NMBR: variants seen among roughly 807,000 people sequenced by gnomAD.
The protein encoded by NMBR is neuromedin-B receptor.
A neutral mutation model predicts 20.5 loss-of-function variants in NMBR; 16 were observed. That is an observed-to-expected ratio of 0.78 (90% confidence interval 0.53 to 1.19). The LOEUF (loss-of-function observed/expected upper bound fraction) is 1.19, where lower values mean the gene tolerates loss of function less well. NMBR is among the 50% of genes most tolerant of loss of function. The pLI is 0.00. For synonymous variants in NMBR, 212 were observed against 196.6 expected, an observed-to-expected ratio of 1.08 and a Z score of -0.65; for missense variants, 582 against 499.1, an observed-to-expected ratio of 1.17 and a Z score of -1.58.
At chr6:142,087,943 T>A (rs1194999456) in intron 2 of NMBR, among the ~76,000 whole-genome samples, 1 of 152,238 alleles carries the variant, frequency 6.6e-6, no homozygotes, top group Non-Finnish European at 1.5e-5. Context: ...AGCTTTTCTA[T>A]GAAATAATAT....
rs754545858 is a variant in NMBR, at chr6:142,078,868, G to A, written c.458C>T (p.Thr153Met). Residue 153 changes from threonine (T) to methionine (M), a missense_variant, in exon 3 of 4, where the codon ACG (threonine) becomes ATG (methionine). Thr to Met is a moderately conservative substitution (Grantham distance 81). Coordinates refer to ENST00000258042, the MANE Select transcript of NMBR (RefSeq NM_002511.4). The stretch of plus-strand genomic sequence containing the variant: ...ACAGGTCCGCAGCAATGCCCCTGAC[G>A]TCTGCATGTCCATGGGGTTAACGAT... ...RAIVNPMDMQ[T>M]SGALLRTCVK... 86 of 1,613,258 alleles carry A rather than the reference G, an allele frequency of 5.3e-5. 2 individuals are homozygous for A. In the Middle Eastern group the frequency reaches 9.9e-4, roughly 19 times the overall value.
intron 1 of NMBR, among the ~76,000 whole-genome samples, chr6:142,102,389 CAA>C (rs534698007): frequency 8.0e-4 from 61 of 76,450 alleles, no homozygotes; most frequent in African/African-American, 2.4e-3. Flanking sequence ...CACTCTGTCT[CAA>C]AAAAAAAAAA....
chr6:142,130,459 A>C (rs1489148686), intron 1 of NMBR, among the ~76,000 whole-genome samples: 4 of 152,184 alleles, frequency 2.6e-5, no homozygotes, highest in Admixed American at 6.6e-5. Context: ...TATCTCAATT[A>C]GACAAAAGAT....
chr6:142,090,662 A>G (rs892059576), intron 1 of NMBR, among the ~76,000 whole-genome samples: 2 of 151,268 alleles, frequency 1.3e-5, no homozygotes, highest in Admixed American at 1.3e-4. Flanking sequence ...AAGGAAATTA[A>G]TATTACATGT....
chr6:142,084,573 A>G (rs1777164420), intron 2 of NMBR, among the ~76,000 whole-genome samples: 1 of 152,180 alleles, frequency 6.6e-6, no homozygotes, highest in Admixed American at 6.5e-5. Flanking sequence ...ACAATAAAGA[A>G]TTGATATCTA....
chr6:142,134,050 C>T (rs1338566405), intron 1 of NMBR: 1 of 665,792 alleles, frequency 1.5e-6, no homozygotes, highest in East Asian at 2.7e-5. Context: ...TTTCTGTGTG[C>T]ACATAAACAT....
intron 2 of NMBR, among the ~76,000 whole-genome samples, chr6:142,080,454 G>C (rs1777071934): frequency 6.6e-6 from 1 of 151,582 alleles, no homozygotes; most frequent in South Asian, 2.1e-4. Flanking sequence ...AGGACTACAG[G>C]TGTATGCCAC....
intron 1 of NMBR, chr6:142,135,078 T>C (rs1367032527): frequency 1.9e-5 from 7 of 372,040 alleles, no homozygotes; most frequent in Middle Eastern, 7.1e-4. Flanking sequence ...TAAGGATTCT[T>C]GAAGAAATAT....
intron 1 of NMBR, among the ~76,000 whole-genome samples, chr6:142,100,895 A>G (rs1471698094): frequency 6.6e-6 from 1 of 152,210 alleles, no homozygotes; most frequent in African/African-American, 2.4e-5. Flanking sequence ...ATAATAAAAT[A>G]CTATAAATTG....
chr6:142,136,955 C>T (rs948975677), intron 1 of NMBR, among the ~76,000 whole-genome samples: 9 of 152,052 alleles, frequency 5.9e-5, no homozygotes, highest in African/African-American at 2.2e-4. Flanking sequence ...GTTCTTTTGG[C>T]TTAGGATTGA....
chr6:142,091,837 A>G (rs565265983), intron 1 of NMBR, among the ~76,000 whole-genome samples: 4 of 152,328 alleles, frequency 2.6e-5, no homozygotes, highest in South Asian at 4.1e-4. Flanking sequence ...TACACATTGT[A>G]TATTTTATTG....
At chr6:142,142,762 A>C (rs1048497383) in intron 1 of NMBR, among the ~76,000 whole-genome samples, 5 of 152,166 alleles carry the variant, frequency 3.3e-5, no homozygotes, top group African/African-American at 1.2e-4. Context: ...GGTCATGTAC[A>C]TAGAAAATTC....
intron 1 of NMBR, among the ~76,000 whole-genome samples, chr6:142,143,444 C>T (rs961652151): frequency 6.6e-6 from 1 of 152,136 alleles, no homozygotes; most frequent in African/African-American, 2.4e-5. Flanking sequence ...GCCACCACAC[C>T]CTGCTAATTT....
chr6:142,112,847 A>G (rs1296360308), intron 1 of NMBR, among the ~76,000 whole-genome samples: 1 of 144,628 alleles, frequency 6.9e-6, no homozygotes, highest in African/African-American at 2.5e-5. Flanking sequence ...TTAATTATAA[A>G]TTACATTTAT....
chr6:142,119,430 A>G (rs1011245778), intron 1 of NMBR, among the ~76,000 whole-genome samples: 2 of 151,928 alleles, frequency 1.3e-5, no homozygotes, highest in African/African-American at 4.8e-5. Context: ...AGTTAATGCC[A>G]AGTAAATTGG....
chr6:142,079,418 C>T (rs1332135400), intron 2 of NMBR, among the ~76,000 whole-genome samples: 1 of 152,116 alleles, frequency 6.6e-6, no homozygotes, highest in Non-Finnish European at 1.5e-5. Flanking sequence ...TTTAAATTTG[C>T]ATTTCCTAAA....
rs114540244 is a variant in NMBR, at chr6:142,132,901, C to T, written c.-664+14143G>A. Among the ~76,000 whole-genome samples, 949 of 152,130 alleles carry T rather than the reference C, an allele frequency of 6.2e-3. 11 individuals are homozygous for T. Among genetic ancestry groups the T allele is most frequent in the African/African-American group, 0.021 (884 of 41,510 alleles). On this transcript the variant is annotated intron_variant, in intron 1 of 3. Transcript: ENST00000258042. ...GGCTGGCTATGCTGACAGTGTAAGT[C>T]AAGGGATTATTAGATTGGCCACATG...
At chr6:142,118,383 C>T (rs145523794) in intron 1 of NMBR, among the ~76,000 whole-genome samples, 5 of 151,940 alleles carry the variant, frequency 3.3e-5, no homozygotes, top group African/African-American at 1.2e-4. Context: ...AAGAGAGGTC[C>T]CCAAGTTAGG....
At chr6:142,104,179 A>T (rs554147022) in intron 1 of NMBR, among the ~76,000 whole-genome samples, 1 of 152,330 alleles carries the variant, frequency 6.6e-6, no homozygotes, top group South Asian at 2.1e-4. Flanking sequence ...CACCCAGCAT[A>T]AATGGTCATA....
Sources: allele counts gnomAD v4.1 joint callset (sites outside exome capture counted in the v4.1 genomes callset), GRCh38; gene constraint gnomAD v4.1.1; transcripts MANE v1.5; gene names NCBI Gene and HGNC (gene_info 2026-07-23, HGNC 2026-07-21).